HMGCLL1: variants seen among roughly 807,000 people sequenced by gnomAD.
HMGCLL1 encodes 3-hydroxymethyl-3-methylglutaryl-CoA lyase, cytoplasmic.
Under a neutral mutation model 39.1 loss-of-function variants are expected in HMGCLL1, and 36 were observed. That is an observed-to-expected ratio of 0.92 (90% CI 0.71 to 1.22). The LOEUF (loss-of-function observed/expected upper bound fraction) is 1.22, where lower values mean the gene tolerates loss of function less well. Ranked by LOEUF, HMGCLL1 falls within the 50% of genes most tolerant of loss-of-function variation. HMGCLL1 has a pLI of 0.00. For missense variants in HMGCLL1, 451 were observed against 416.5 expected, an observed-to-expected ratio of 1.08 and a Z score of -0.72; for synonymous variants, 149 against 144.0, an observed-to-expected ratio of 1.03 and a Z score of -0.25.
chr6:55,516,161 A>G (rs1265572710), intron 4 of HMGCLL1, among the ~76,000 whole-genome samples: 2 of 152,134 alleles, frequency 1.3e-5, no homozygotes, highest in Non-Finnish European at 2.9e-5. Context: ...ACCAAATTCA[A>G]CAATATTAAT....
chr6:55,546,778 T>C (rs568881018), intron 1 of HMGCLL1, among the ~76,000 whole-genome samples: 162 of 152,272 alleles, frequency 1.1e-3, no homozygotes, highest in Non-Finnish European at 1.6e-3. Flanking sequence ...TTTATTTTTA[T>C]AGCATTTAAT....
intron 3 of HMGCLL1, among the ~76,000 whole-genome samples, chr6:55,535,433 A>G (rs1260940893): frequency 6.6e-6 from 1 of 152,200 alleles, no homozygotes; most frequent in Non-Finnish European, 1.5e-5. Context: ...TGTCATAAAA[A>G]TATGTGGAAG....
intron 4 of HMGCLL1, among the ~76,000 whole-genome samples, chr6:55,514,968 GGGGA>G (rs777331933): frequency 3.6e-4 from 55 of 151,972 alleles, no homozygotes; most frequent in Non-Finnish European, 6.0e-4. Context: ...AACACATGGG[GGGGA>G]GGTCAGGTGC....
chr6:55,607,070 T>A, the HMGCLL1 span, among the ~76,000 whole-genome samples: 1 of 152,180 alleles, frequency 6.6e-6, no homozygotes, highest in Non-Finnish European at 1.5e-5. Context: ...AATAGGAAGC[T>A]AACACTCTCT....
chr6:55,655,620 C>A, the HMGCLL1 span, among the ~76,000 whole-genome samples: 5 of 151,860 alleles, frequency 3.3e-5, no homozygotes, highest in African/African-American at 9.7e-5. Flanking sequence ...ACCACCCTAA[C>A]ATATTGAATG....
chr6:55,546,310 T>C (rs1180833161), intron 1 of HMGCLL1, among the ~76,000 whole-genome samples: 1 of 152,176 alleles, frequency 6.6e-6, no homozygotes, highest in Middle Eastern at 3.2e-3. Flanking sequence ...TTATTTCATT[T>C]CTGTATTTTC....
At chr6:55,538,730 A>G (rs2127454151) in intron 3 of HMGCLL1, among the ~76,000 whole-genome samples, 1 of 152,242 alleles carries the variant, frequency 6.6e-6, no homozygotes, top group South Asian at 2.1e-4. Context: ...CTATGTACTG[A>G]GAAATGGGTG....
intron 3 of HMGCLL1, among the ~76,000 whole-genome samples, chr6:55,522,767 T>C (rs1467551470): frequency 6.6e-6 from 1 of 152,058 alleles, no homozygotes; most frequent in Non-Finnish European, 1.5e-5. Flanking sequence ...CACTATAAGT[T>C]TGCAAACTAC....
chr6:55,556,639 A>AT (rs1770687795), intron 1 of HMGCLL1, among the ~76,000 whole-genome samples: 3 of 152,192 alleles, frequency 2.0e-5, no homozygotes, highest in Admixed American at 6.5e-5. Flanking sequence ...GATCTGAGGT[A>AT]CATTGGACTA....
At chr6:55,629,549 C>A in the HMGCLL1 span, among the ~76,000 whole-genome samples, 1 of 152,086 alleles carries the variant, frequency 6.6e-6, no homozygotes, top group African/African-American at 2.4e-5. Context: ...AACAAAGAGC[C>A]GAATGTTAAT....
At chr6:55,598,064 A>G in the HMGCLL1 span, among the ~76,000 whole-genome samples, 1 of 152,184 alleles carries the variant, frequency 6.6e-6, no homozygotes, top group Non-Finnish European at 1.5e-5. Flanking sequence ...TAAGATCATG[A>G]TCAACTAATC....
intron 8 of HMGCLL1, among the ~76,000 whole-genome samples, chr6:55,438,806 A>AT (rs1763473861): frequency 6.6e-6 from 1 of 152,128 alleles, no homozygotes; most frequent in Non-Finnish European, 1.5e-5. Context: ...TGTGATTTTT[A>AT]TTTTTTTCCT....
the HMGCLL1 span, among the ~76,000 whole-genome samples, chr6:55,667,002 T>C: frequency 6.6e-6 from 1 of 151,760 alleles, no homozygotes; most frequent in South Asian, 2.1e-4. Context: ...GTAAAACTCA[T>C]GAGTTTCCAT....
chr6:55,652,084 G>A, the HMGCLL1 span, among the ~76,000 whole-genome samples: 1 of 151,988 alleles, frequency 6.6e-6, no homozygotes, highest in East Asian at 1.9e-4. Context: ...TTCGTTCTTA[G>A]TCCTTTTCTA....
intron 1 of HMGCLL1, among the ~76,000 whole-genome samples, chr6:55,578,610 T>C (rs779464680): frequency 6.6e-6 from 1 of 152,234 alleles, no homozygotes; most frequent in Non-Finnish European, 1.5e-5. Flanking sequence ...AAGGGCGGTA[T>C]CCTTGAAGGA....
the HMGCLL1 span, among the ~76,000 whole-genome samples, chr6:55,604,272 A>G: frequency 6.6e-6 from 1 of 152,162 alleles, no homozygotes. Context: ...CAAATATTAC[A>G]TATAAATTAG....
intron 5 of HMGCLL1, among the ~76,000 whole-genome samples, chr6:55,509,670 T>A (rs1368860125): frequency 6.6e-6 from 1 of 151,790 alleles, no homozygotes; most frequent in Non-Finnish European, 1.5e-5. Flanking sequence ...TTTCAAAGGA[T>A]GAGAATTATA....
At chr6:55,457,550 G>C (rs1764377402) in intron 7 of HMGCLL1, among the ~76,000 whole-genome samples, 1 of 152,092 alleles carries the variant, frequency 6.6e-6, no homozygotes, top group African/African-American at 2.4e-5. Context: ...GAAATTCATT[G>C]GTTCCCTTAA....
At chr6:55,553,142 T>A (rs796328999) in intron 1 of HMGCLL1, among the ~76,000 whole-genome samples, 37,852 of 108,340 alleles carry the variant, frequency 0.35, 5,085 homozygotes, top group Admixed American at 0.42. Context: ...AAACTCCATC[T>A]CTCTCTCTCT....
Sources: allele counts gnomAD v4.1 joint callset (sites outside exome capture counted in the v4.1 genomes callset), GRCh38; gene constraint gnomAD v4.1.1; transcripts MANE v1.5; gene names NCBI Gene and HGNC (gene_info 2026-07-23, HGNC 2026-07-21).